The following ERLIN1 variants were observed in gnomAD, a reference collection of about 807,000 sequenced individuals.
ERLIN1 encodes ER lipid raft associated 1, also known as erlin-1.
A neutral mutation model predicts 46.9 loss-of-function variants in ERLIN1; 24 were observed. The observed-to-expected ratio is 0.51, with a 90% CI of 0.37 to 0.72. The LOEUF is 0.72. Ranked by LOEUF, ERLIN1 falls within the 30% of genes least tolerant of loss-of-function variation. ERLIN1 has a pLI of 0.00. For synonymous variants in ERLIN1, 158 were observed against 143.2 expected, an observed-to-expected ratio of 1.10 and a Z score of -0.74; for missense variants, 293 against 417.9, an observed-to-expected ratio of 0.70 and a Z score of 2.61.
chr10:100,175,460 G>C (rs1041138474), intron 5 of ERLIN1, among the ~76,000 whole-genome samples: 3 of 152,174 alleles, frequency 2.0e-5, no homozygotes, highest in Non-Finnish European at 4.4e-5. Flanking sequence ...GTCACAGCTT[G>C]TTGCTGTGGG....
intron 8 of ERLIN1, among the ~76,000 whole-genome samples, chr10:100,156,940 G>A (rs1306556667): frequency 1.3e-5 from 2 of 152,124 alleles, no homozygotes; most frequent in African/African-American, 4.8e-5. Flanking sequence ...TCTTGAGCCT[G>A]GGAGGTCAAG....
At chr10:100,161,261 AG>A (rs879498670) in intron 8 of ERLIN1, among the ~76,000 whole-genome samples, 5 of 152,230 alleles carry the variant, frequency 3.3e-5, no homozygotes, top group Non-Finnish European at 5.9e-5. Flanking sequence ...TAGAAATAAG[AG>A]CATCTTCAGC....
At chr10:100,160,662 T>C (rs1053265972) in intron 8 of ERLIN1, among the ~76,000 whole-genome samples, 1 of 152,166 alleles carries the variant, frequency 6.6e-6, no homozygotes, top group Non-Finnish European at 1.5e-5. Flanking sequence ...GAAAAAATTT[T>C]CAGACTGGGC....
At chr10:100,180,033 C>T (rs970302171) in intron 2 of ERLIN1, among the ~76,000 whole-genome samples, 1 of 152,244 alleles carries the variant, frequency 6.6e-6, no homozygotes, top group Non-Finnish European at 1.5e-5. Context: ...CCTTTCTTCT[C>T]TAAAGCTGTG....
At chr10:100,169,827 G>C (rs1843884023) in intron 6 of ERLIN1, among the ~76,000 whole-genome samples, 1 of 152,110 alleles carries the variant, frequency 6.6e-6, no homozygotes, top group South Asian at 2.1e-4. Flanking sequence ...AGACCAGCCT[G>C]GGCAACACGG....
chr10:100,177,199 T>C (rs1212125704), intron 4 of ERLIN1, among the ~76,000 whole-genome samples: 1 of 152,206 alleles, frequency 6.6e-6, no homozygotes, highest in South Asian at 2.1e-4. Context: ...ATTTCCCAAA[T>C]GAATTATATC....
intron 1 of ERLIN1, among the ~76,000 whole-genome samples, chr10:100,184,098 G>A (rs924973353): frequency 2.0e-4 from 30 of 152,244 alleles, no homozygotes; most frequent in African/African-American, 7.0e-4. Context: ...CTGCTCTAAG[G>A]TTCAAAGGAT....
intron 10 of ERLIN1, among the ~76,000 whole-genome samples, chr10:100,153,797 C>T (rs1293567236): frequency 6.6e-6 from 1 of 152,184 alleles, no homozygotes; most frequent in Non-Finnish European, 1.5e-5. Context: ...GAGCTTCTCC[C>T]ATTAGATTTG....
In ERLIN1 at chr10:100,186,022, C is replaced by T; in HGVS notation, c.-396G>A. 2 of 419,106 alleles carry T rather than the reference C, an allele frequency of 4.8e-6. No individual in the cohort carries two copies. Among genetic ancestry groups the T allele is most frequent in the Non-Finnish European group, 8.4e-6 (2 of 238,826 alleles). 26.0% of individuals were successfully genotyped at this position (419,106 alleles called of 1,614,324 possible). A position where few individuals can be genotyped will look rare whatever the true frequency, so the allele number is the denominator to read the frequency against. Reference sequence around the variant, plus strand: ...GCCGACTCCCGCGCCGAGCCAACCGCCGCCAACAGCCGGCCCCGCCCACTC... The same window carrying T: ...GCCGACTCCCGCGCCGAGCCAACCGTCGCCAACAGCCGGCCCCGCCCACTC... On this transcript the variant is annotated 5_prime_UTR_variant, in exon 1 of 11. Coordinates refer to ENST00000421367, the MANE Select transcript of ERLIN1 (RefSeq NM_006459.4).
chr10:100,157,447 C>A (rs1564799078), intron 8 of ERLIN1, among the ~76,000 whole-genome samples: 1 of 152,206 alleles, frequency 6.6e-6, no homozygotes, highest in African/African-American at 2.4e-5. Flanking sequence ...ACTTTACATT[C>A]AATCACTGCT....
chr10:100,156,526 G>GA (rs902700876), intron 8 of ERLIN1, among the ~76,000 whole-genome samples: 3 of 152,028 alleles, frequency 2.0e-5, no homozygotes, highest in African/African-American at 7.2e-5. Context: ...AAGCTAATGG[G>GA]AAAAAAAGAT....
intron 4 of ERLIN1, among the ~76,000 whole-genome samples, chr10:100,176,425 G>C (rs1247336898): frequency 6.6e-6 from 1 of 152,134 alleles, no homozygotes; most frequent in African/African-American, 2.4e-5. Context: ...GTGTGAAGAT[G>C]AACTGAGAAG....
At chr10:100,153,281 G>C (rs1842902736) in intron 10 of ERLIN1, among the ~76,000 whole-genome samples, 1 of 152,122 alleles carries the variant, frequency 6.6e-6, no homozygotes, top group African/African-American at 2.4e-5. Flanking sequence ...ATGCCAAGAT[G>C]TATCTAACCA....
At chr10:100,178,104 T>TA in intron 4 of ERLIN1, 29 bp downstream of exon 4, 1 of 1,465,490 alleles carries the variant, frequency 6.8e-7, no homozygotes, top group Non-Finnish European at 9.4e-7. Flanking sequence ...GCTATAACTA[T>TA]AAAAACCACA....
chr10:100,151,850 C>T lies in ERLIN1; in HGVS notation c.*281G>A. 2.2e-6 allele frequency: 1 copy of T among 463,048 alleles called. No homozygotes were observed. The allele number at this position is 463,048 out of a possible 1,614,324, so 28.7% of individuals were successfully genotyped here. On this transcript the variant is annotated 3_prime_UTR_variant, in exon 11 of 11. Coordinates refer to ENST00000421367, the MANE Select transcript of ERLIN1 (RefSeq NM_006459.4). ...GTTATATATTTAGTGTTTAACATTC[C>T]AGTGCAGGCAGTATCTTAGCATCAG... is the stretch of plus-strand genomic sequence containing the variant.
intron 7 of ERLIN1, among the ~76,000 whole-genome samples, chr10:100,166,119 C>T (rs549401193): frequency 5.5e-4 from 84 of 152,252 alleles, no homozygotes; most frequent in African/African-American, 2.0e-3. Context: ...TCTTTGTCTA[C>T]AATGAAAAAG....
intron 2 of ERLIN1, among the ~76,000 whole-genome samples, chr10:100,181,374 C>G (rs1844632851): frequency 1.3e-5 from 2 of 152,246 alleles, no homozygotes; most frequent in South Asian, 4.1e-4. Context: ...CTTTTTACAT[C>G]ATATATGGAA....
At chr10:100,179,365 A>G in intron 2 of ERLIN1, 118 bp from the exon 3 acceptor site, 1 of 613,618 alleles carries the variant, frequency 1.6e-6, no homozygotes, top group Non-Finnish European at 2.9e-6. Flanking sequence ...ATCCATCACA[A>G]TTTCAGTTCC....
At chr10:100,168,094 C>G (rs188127484) in intron 6 of ERLIN1, among the ~76,000 whole-genome samples, 50 of 152,298 alleles carry the variant, frequency 3.3e-4, no homozygotes, top group African/African-American at 1.1e-3. Flanking sequence ...CTGGACAGTA[C>G]TGTTTTTTGA....
Sources: allele counts gnomAD v4.1 joint callset (sites outside exome capture counted in the v4.1 genomes callset), GRCh38; gene constraint gnomAD v4.1.1; transcripts MANE v1.5; gene names NCBI Gene and HGNC (gene_info 2026-07-23, HGNC 2026-07-21).